Variants in PHLDA1 observed in about 807,000 individuals in gnomAD.
PHLDA1 encodes the protein pleckstrin homology-like domain family A member 1.
Under a neutral mutation model 33.8 loss-of-function variants are expected in PHLDA1, and 28 were observed. The ratio of observed to expected loss-of-function variants is 0.83; its 90% confidence interval spans 0.61 to 1.14. The LOEUF (loss-of-function observed/expected upper bound fraction) is 1.14, where lower values mean the gene tolerates loss of function less well. PHLDA1 is among the 50% of genes most tolerant of loss of function. PHLDA1 has a pLI of 0.00. For synonymous variants in PHLDA1, 271 were observed against 243.6 expected (o/e 1.11, Z -1.05); for missense variants, 595 against 548.6 (o/e 1.08, Z -0.84).
chr12:76,029,745 G>A (rs1870849898), exon 2 of PHLDA1: 1 of 151,984 alleles, frequency 6.6e-6, no homozygotes. Context: ...TTCCTTTTTG[G>A]AAAATGGTCT....
chr12:76,030,219 C>CAT, intron 1 of PHLDA1, 127 bp from the exon 2 acceptor site: 1 of 460,618 alleles, frequency 2.2e-6, no homozygotes, highest in South Asian at 3.8e-5. Context: ...ACTGCCCAAA[C>CAT]ATATAGTCAA....
chr12:76,027,695 G>C (rs1870803475), exon 2 of PHLDA1: 1 of 151,728 alleles, frequency 6.6e-6, no homozygotes, highest in African/African-American at 2.4e-5. Context: ...CCAGGAGGCA[G>C]AGGTTGCAGT....
At position 76,030,994 on chromosome 12, in the gene PHLDA1, T is replaced by C. The variant is rs376287313; in HGVS notation, c.748A>G (p.Met250Val). ...TCTGCCATCACCACAGTGAAGTACA[T>C]GTACTTGCCCTTGCGCTCCACACAG... Residue 250 changes from methionine (M) to valine (V), a missense_variant, in exon 1 of 2, where the codon ATG (methionine) becomes GTG (valine). Met to Val is a conservative substitution (Grantham distance 21). This residue lies in a region of PHLDA1 where 328 missense variants were observed against 295.7 expected (regional missense o/e 1.11). Transcript: ENST00000266671. 128 of 1,613,670 alleles carry C rather than the reference T, an allele frequency of 7.9e-5. No homozygotes were observed. The highest frequency in any genetic ancestry group is 1.0e-4 in the Non-Finnish European group (120 of 1,179,994).
chr12:76,028,799 T>C (rs888853684), exon 2 of PHLDA1: 1 of 152,672 alleles, frequency 6.5e-6, no homozygotes, highest in East Asian at 1.9e-4. Context: ...TTGTTCTACC[T>C]TTAAAAGCAT....
exon 2 of PHLDA1, chr12:76,026,797 A>G (rs949645840): frequency 2.0e-5 from 3 of 152,228 alleles, no homozygotes; most frequent in Non-Finnish European, 4.4e-5. Flanking sequence ...ATGGATTTCC[A>G]CTAAGAAAGT....
Position 76,031,608 on chromosome 12 carries a change from C to T in PHLDA1, c.134G>A (p.Gly45Glu). Reference sequence around the variant, plus strand: ...CTCACTGAAGGGCACTGGCCGGGCCCCCTCGCGGCGCTTTTGAATGGGCCA... The same window carrying T: ...CTCACTGAAGGGCACTGGCCGGGCCTCCTCGCGGCGCTTTTGAATGGGCCA... Residue 45 changes from glycine (G) to glutamate (E), a missense_variant, in exon 1 of 2, where the codon GGG becomes GAG. Physicochemically the swap from Gly to Glu is moderately conservative, Grantham distance 98. Coordinates refer to ENST00000266671, the Ensembl canonical transcript of PHLDA1. The surrounding 1 kb of genome is among the most constrained non-coding windows in gnomAD (Gnocchi z 5.4). The T allele has an allele frequency of 1.3e-6, 2 of 1,572,552 alleles. No individual in the cohort carries two copies. The highest frequency in any genetic ancestry group is 8.6e-7 in the Non-Finnish European group (1 of 1,161,700).
chr12:76,030,625 G>T, exon 1 of PHLDA1: 1 of 1,537,618 alleles, frequency 6.5e-7, no homozygotes, highest in Non-Finnish European at 9.0e-7. Flanking sequence ...TGGTGCGGAT[G>T]CGGGTGCGGG....
rs1466897431 is a variant in PHLDA1 at position 76,031,751 on chromosome 12, G to A, written c.-10C>T. The A allele has an allele frequency of 1.5e-6, 2 of 1,360,090 alleles. No individual in the cohort carries two copies. The highest frequency in any genetic ancestry group is 7.5e-5 in the Admixed American group (2 of 26,506). 84.3% of individuals were successfully genotyped at this position (1,360,090 alleles called of 1,614,324 possible). ...CCGGCGCACGCCTCATTAACTTGGG[G>A]CCTTTCCAAAGCCCGCTGCGTCCAC... On this transcript the variant is annotated 5_prime_UTR_variant, in exon 1 of 2. Transcript: ENST00000266671. The surrounding 1 kb of genome is among the most constrained non-coding windows in gnomAD (Gnocchi z 5.4).
exon 1 of PHLDA1, chr12:76,030,716 C>T: frequency 1.7e-6 from 2 of 1,180,334 alleles, no homozygotes; most frequent in Non-Finnish European, 2.5e-6. Context: ...GGGGCTGAGG[C>T]TTGGGTTGGG....
In PHLDA1 at chr12:76,030,753, T is replaced by TG; in HGVS notation, c.988dup (p.Gln330ProfsTer87). 1.5e-6 allele frequency: 2 copies of TG among 1,295,112 alleles called. No homozygotes were observed. Among genetic ancestry groups the TG allele is most frequent in the Non-Finnish European group, 2.2e-6 (2 of 915,710 alleles). 80.2% of individuals were successfully genotyped at this position (1,295,112 alleles called of 1,614,324 possible). On this transcript the variant is annotated frameshift_variant, in exon 1 of 2. Coordinates refer to ENST00000266671, the Ensembl canonical transcript of PHLDA1. LOFTEE classifies it high-confidence loss of function. ...CTGAGGCTGGGGTTGTGATTGGGGC[T>TG]GGGGTTGCGGCTGAGGCTGAGGCTG...
exon 2 of PHLDA1, chr12:76,029,642 T>G (rs1270679949): frequency 6.6e-6 from 1 of 152,588 alleles, no homozygotes; most frequent in East Asian, 1.9e-4. Flanking sequence ...ACTCGAGAAA[T>G]AATGAATAAA....
exon 1 of PHLDA1, chr12:76,030,991 A>G (rs747810433): frequency 1.9e-6 from 3 of 1,613,828 alleles, no homozygotes; most frequent in East Asian, 2.2e-5. Flanking sequence ...ACAGTGAAGT[A>G]CATGTACTTG....
At chr12:76,029,616 C>CA (rs1870847324) in exon 2 of PHLDA1, 1 of 152,568 alleles carries the variant, frequency 6.6e-6, no homozygotes, top group Admixed American at 6.5e-5. Flanking sequence ...ATGAAAGTGT[C>CA]AGACTTTCTG....
At position 76,031,678 on chromosome 12, in the gene PHLDA1, G is replaced by T; in HGVS notation, c.64C>A (p.Gln22Lys). Residue 22 changes from glutamine to lysine, a missense_variant, in exon 1 of 2, where the codon CAG becomes AAG. This residue lies in a region of PHLDA1 where 263 missense variants were observed against 232.3 expected (regional missense o/e 1.13). Transcript: ENST00000266671. This position sits in a 1 kb window ranked among gnomAD's most constrained non-coding sequence, Gnocchi z 5.4. Reference sequence around the variant, plus strand: ...ACACCCAGCGGAAAAGGCGGCTCCTGGCGCCCGCACCGCGGGGGAAAGCCC... The same window carrying T: ...ACACCCAGCGGAAAAGGCGGCTCCTTGCGCCCGCACCGCGGGGGAAAGCCC... 6.7e-7 allele frequency: 1 copy of T among 1,482,084 alleles called. No homozygotes were observed. Among genetic ancestry groups the T allele is most frequent in the East Asian group, 2.7e-5 (1 of 36,892 alleles). The allele number at this position is 1,482,084 out of a possible 1,614,324, so 91.8% of individuals were successfully genotyped here.
At chr12:76,030,967 C>T (rs1870889520) in exon 1 of PHLDA1, 1 of 1,614,020 alleles carries the variant, frequency 6.2e-7, no homozygotes, top group Non-Finnish European at 8.5e-7. Context: ...ATCTCCTTGC[C>T]CTCTGCCATC....
chr12:76,031,654 C>T lies in PHLDA1; in HGVS notation c.88G>A (p.Val30Ile). ...GGCCATCTTCCCCACCCCCGAGTGA[C>T]ACCCAGCGGAAAAGGCGGCTCCTGG... Residue 30 changes from valine to isoleucine, a missense_variant, in exon 1 of 2, where the codon GTC (valine) becomes ATC (isoleucine). Physicochemically the swap from Val to Ile is conservative, Grantham distance 29 (BLOSUM62 3). This residue lies in a region of PHLDA1 where 263 missense variants were observed against 232.3 expected (regional missense o/e 1.13). Transcript: ENST00000266671. This position sits in a 1 kb window ranked among gnomAD's most constrained non-coding sequence, Gnocchi z 5.4. 2.6e-6 allele frequency: 4 copies of T among 1,525,152 alleles called. No individual in the cohort carries two copies. Among genetic ancestry groups the T allele is most frequent in the Non-Finnish European group, 3.5e-6 (4 of 1,137,342 alleles). The allele number at this position is 1,525,152 out of a possible 1,614,324, so 94.5% of individuals were successfully genotyped here.
In PHLDA1 at chr12:76,031,156, GTT is replaced by G. The variant is rs766794278; in HGVS notation, c.584_585del (p.Gln195ProfsTer221). The G allele has an allele frequency of 6.2e-5, 41 of 665,626 alleles. No individual in the cohort carries two copies. The highest frequency in any genetic ancestry group is 1.3e-4 in the African/African-American group (2 of 15,902). The allele number at this position is 665,626 out of a possible 1,614,324, so 41.2% of individuals were successfully genotyped here. A position where few individuals can be genotyped will look rare whatever the true frequency, so the allele number is the denominator to read the frequency against. ...TGTTGTTGCTGCTGCTGCTGCTGCT[GTT>G]GCTGCTGCTGCTGCTGGTGTTGCAG... On this transcript the variant is annotated frameshift_variant, in exon 1 of 2. Coordinates refer to ENST00000266671, the Ensembl canonical transcript of PHLDA1. LOFTEE classifies it high-confidence loss of function. The surrounding 1 kb of genome is among the most constrained non-coding windows in gnomAD (Gnocchi z 5.4).
chr12:76,031,420 G>T lies in PHLDA1; in HGVS notation c.322C>A (p.Arg108Ser). Residue 108 changes from arginine (R) to serine (S), a missense_variant, in exon 1 of 2, where the codon CGC (arginine) becomes AGC (serine). Physicochemically the swap from Arg to Ser is moderately radical, Grantham distance 110 (BLOSUM62 -1). Around this residue, in one of 3 missense-constraint regions of PHLDA1, gnomAD observed 263 missense variants for 232.3 expected, o/e 1.13. Coordinates refer to ENST00000266671, the Ensembl canonical transcript of PHLDA1. The surrounding 1 kb of genome is among the most constrained non-coding windows in gnomAD (Gnocchi z 5.4). ...AGCCTCGCGCCGTCCTCGCCCCAGC[G>T]GCTCCCACGGCCGCCTGCCCGGAGC... is the stretch of plus-strand genomic sequence containing the variant. 5 of 1,557,444 alleles carry T rather than the reference G, an allele frequency of 3.2e-6. No individual in the cohort carries two copies. The highest frequency in any genetic ancestry group is 4.3e-6 in the Non-Finnish European group (5 of 1,153,474).
chr12:76,027,897 C>T (rs920307935), exon 2 of PHLDA1: 2 of 151,666 alleles, frequency 1.3e-5, no homozygotes, highest in African/African-American at 2.4e-5. Context: ...AATTACCTAG[C>T]CCCATATGTA....
Sources: allele counts gnomAD v4.1 joint callset, GRCh38; gene constraint gnomAD v4.1.1; regional missense constraint gnomAD v4.1.1; non-coding constraint Gnocchi (gnomAD v3.1); transcripts MANE v1.5; gene names NCBI Gene and HGNC (gene_info 2026-07-23, HGNC 2026-07-21).